R3HDML: variants seen among roughly 807,000 people sequenced by gnomAD.
The protein encoded by R3HDML is R3H domain containing like, also known as peptidase inhibitor R3HDML.
Under a neutral mutation model 24.2 loss-of-function variants are expected in R3HDML, and 21 were observed. The observed-to-expected ratio is 0.87, with a 90% CI of 0.62 to 1.25. The LOEUF is 1.25. Among genes scored for constraint, R3HDML ranks in the 50% most tolerant of loss-of-function variants. R3HDML has a pLI of 0.00. For synonymous variants in R3HDML, 133 were observed against 131.5 expected, an observed-to-expected ratio of 1.01 and a Z score of -0.08; for missense variants, 301 against 340.3, an observed-to-expected ratio of 0.88 and a Z score of 0.91.
chr20:44,344,209 A>G (rs2062779889), intron 3 of R3HDML, among the ~76,000 whole-genome samples: 1 of 151,796 alleles, frequency 6.6e-6, no homozygotes, highest in African/African-American at 2.4e-5. Context: ...TGAACCCAGG[A>G]GGCAGATGTT....
Position 44,350,889 on chromosome 20 carries a change from T to A in R3HDML, c.*97T>A. On this transcript the variant is annotated 3_prime_UTR_variant, in exon 5 of 5. Coordinates refer to ENST00000217043, the MANE Select transcript of R3HDML (RefSeq NM_178491.4). ...GAGAAATAATTGTTTCTTTAAAGGATATGAGTTAGAATCACCCCCTGTTGA... is the reference window on the plus strand; with the variant it reads ...GAGAAATAATTGTTTCTTTAAAGGAAATGAGTTAGAATCACCCCCTGTTGA... 6.9e-7 allele frequency: 1 copy of A among 1,451,422 alleles called. No homozygotes were observed. 89.9% of individuals were successfully genotyped at this position (1,451,422 alleles called of 1,614,324 possible).
chr20:44,340,278 A>AG (rs2062768781), intron 1 of R3HDML, among the ~76,000 whole-genome samples: 1 of 151,560 alleles, frequency 6.6e-6, no homozygotes, highest in Non-Finnish European at 1.5e-5. Flanking sequence ...TTTAGTAGAG[A>AG]GGGGGTTTCT....
intron 4 of R3HDML, among the ~76,000 whole-genome samples, chr20:44,348,509 C>CCTTTCCTTTCCTTTT (rs2062797173): frequency 7.1e-6 from 1 of 140,190 alleles, no homozygotes; most frequent in Admixed American, 7.5e-5. Context: ...CCTTTCCTTT[C>CCTTTCCTTTCCTTTT]CTTTCCTTTC....
At chr20:44,343,810 C>A (rs969672865) in intron 3 of R3HDML, among the ~76,000 whole-genome samples, 8 of 151,484 alleles carry the variant, frequency 5.3e-5, no homozygotes, top group Non-Finnish European at 1.2e-4. Flanking sequence ...AAACTCTGTC[C>A]CCCCCGCAAA....
Position 44,337,528 on chromosome 20 carries a change from G to A in R3HDML, c.261+110G>A, listed in dbSNP as rs2062761243. On this transcript the variant is annotated intron_variant, in intron 1 of 4. Coordinates refer to ENST00000217043, the MANE Select transcript of R3HDML (RefSeq NM_178491.4). This position sits in a 1 kb window ranked among gnomAD's most constrained non-coding sequence, Gnocchi z 4.7. ...CTTTGAAGAGCTGGACCACTTGCCT[G>A]CCTGGCCCCACTAGCCAGTATCTGG... The A allele has an allele frequency of 1.6e-5, 20 of 1,230,508 alleles. No individual in the cohort carries two copies. The highest frequency in any genetic ancestry group is 2.3e-5 in the Non-Finnish European group (20 of 875,962). 76.2% of individuals were successfully genotyped at this position (1,230,508 alleles called of 1,614,324 possible).
At chr20:44,349,600 C>T (rs769383556) in intron 4 of R3HDML, among the ~76,000 whole-genome samples, 5 of 152,172 alleles carry the variant, frequency 3.3e-5, no homozygotes, top group Non-Finnish European at 7.3e-5. Context: ...CACTCATGGT[C>T]ACTCAACAAT....
At position 44,351,072 on chromosome 20, in the gene R3HDML, G is replaced by A; in HGVS notation, c.*280G>A. ...ATTCGGTTCTCAGAGAACCAAGGCT[G>A]GAAGGCATAGAACTGGCACCTTGGG... On this transcript the variant is annotated 3_prime_UTR_variant, in exon 5 of 5. Transcript: ENST00000217043. 1 of 354,440 alleles carries A rather than the reference G, an allele frequency of 2.8e-6. No individual in the cohort carries two copies. The highest frequency in any genetic ancestry group is 5.1e-6 in the Non-Finnish European group (1 of 195,474). The allele number at this position is 354,440 out of a possible 1,614,324, so 22.0% of individuals were successfully genotyped here.
intron 1 of R3HDML, among the ~76,000 whole-genome samples, chr20:44,338,438 G>T (rs748954545): frequency 2.6e-5 from 4 of 152,198 alleles, no homozygotes; most frequent in Non-Finnish European, 5.9e-5. Flanking sequence ...AAGATAACGT[G>T]AGGAGGCAAT....
intron 3 of R3HDML, 40 bp downstream of exon 3, chr20:44,343,549 A>T: frequency 6.5e-7 from 1 of 1,534,208 alleles, no homozygotes; most frequent in Non-Finnish European, 8.8e-7. Flanking sequence ...GGGATAACAC[A>T]TCCTGGCGCC....
Position 44,341,301 on chromosome 20 carries a change from A to G in R3HDML, c.367A>G (p.Ile123Val). ...LMRYVGQNLS[I>V]HSGQYRSVVD... ...GAGATACGTGGGCCAGAACCTCTCC[A>G]TCCATTCTGGCCAGTGAGTGACCCT... The change falls in exon 2 of 5, where the codon ATC (isoleucine) becomes GTC (valine). Residue 123 changes from isoleucine (I) to valine (V), a missense_variant. Ile to Val is a conservative substitution (Grantham distance 29). Coordinates refer to ENST00000217043, the MANE Select transcript of R3HDML (RefSeq NM_178491.4). The G allele has an allele frequency of 1.9e-6, 3 of 1,613,328 alleles. No individual in the cohort carries two copies. The highest frequency in any genetic ancestry group is 2.5e-6 in the Non-Finnish European group (3 of 1,179,368).
chr20:44,350,203 T>G (rs1465500933), intron 4 of R3HDML, among the ~76,000 whole-genome samples: 1 of 151,966 alleles, frequency 6.6e-6, no homozygotes, highest in African/African-American at 2.4e-5. Flanking sequence ...GCTCTTCTCT[T>G]GGTTTTACAG....
At chr20:44,350,062 T>A (rs889024851) in intron 4 of R3HDML, among the ~76,000 whole-genome samples, 4 of 151,662 alleles carry the variant, frequency 2.6e-5, no homozygotes, top group African/African-American at 9.7e-5. Context: ...AGAGCGAGAC[T>A]CCCTCTCAGA....
chr20:44,346,055 G>A (rs1261287592), intron 4 of R3HDML, among the ~76,000 whole-genome samples: 2 of 152,136 alleles, frequency 1.3e-5, no homozygotes, highest in Non-Finnish European at 2.9e-5. Context: ...CCTAACCTCA[G>A]GTGATCTGCC....
intron 2 of R3HDML, among the ~76,000 whole-genome samples, chr20:44,341,839 T>G (rs769593451): frequency 2.0e-5 from 3 of 152,084 alleles, no homozygotes; most frequent in African/African-American, 4.8e-5. Flanking sequence ...GAGCTGAGGT[T>G]GCGCCACTGC....
chr20:44,350,160 T>G (rs1455004536), intron 4 of R3HDML, among the ~76,000 whole-genome samples: 1 of 152,146 alleles, frequency 6.6e-6, no homozygotes, highest in East Asian at 1.9e-4. Context: ...TACATACATG[T>G]GATCTTTGCT....
rs566829540 is a variant in R3HDML, at chr20:44,343,979, C to T, written c.513+470C>T. On this transcript the variant is annotated intron_variant, in intron 3 of 4. Coordinates refer to ENST00000217043, the MANE Select transcript of R3HDML (RefSeq NM_178491.4). The stretch of plus-strand genomic sequence containing the variant: ...AGAGAAAGACCTCATTTCTAAAAAC[C>T]TTTCTAAAAATAGTGAGGTGTGGCC... Among the ~76,000 whole-genome samples, 169 of 152,070 alleles carry T rather than the reference C, an allele frequency of 1.1e-3. 1 individual carries two copies. Among genetic ancestry groups the T allele is most frequent in the Middle Eastern group, 3.4e-3 (1 of 294 alleles).
intron 3 of R3HDML, chr20:44,344,714 C>T (rs2062781413): frequency 6.6e-6 from 1 of 151,630 alleles, no homozygotes. Flanking sequence ...ACCTGGGAGG[C>T]AGAGGTTGCA....
intron 1 of R3HDML, among the ~76,000 whole-genome samples, chr20:44,339,003 G>A (rs113822523): frequency 7.4e-4 from 112 of 150,968 alleles, no homozygotes; most frequent in Non-Finnish European, 1.3e-3. Context: ...AACCTGGGAG[G>A]CCGAGGTTGC....
At position 44,337,341 on chromosome 20, in the gene R3HDML, G is replaced by T. The variant is rs1295673524; in HGVS notation, c.184G>T (p.Asp62Tyr). The change falls in exon 1 of 5, where the codon GAC (aspartate) becomes TAC (tyrosine). Residue 62 changes from aspartate (D) to tyrosine (Y), a missense_variant. Transcript: ENST00000217043. The surrounding 1 kb of genome is among the most constrained non-coding windows in gnomAD (Gnocchi z 4.7). Reference protein sequence around the residue: ...YRRKRHISVRDMNALLDYHNH... With the variant: ...YRRKRHISVRYMNALLDYHNH... ...CCGGAAGCGCCACATCTCTGTGAGA[G>T]ACATGAATGCCTTACTGGATTATCA... is the stretch of plus-strand genomic sequence containing the variant. The T allele has an allele frequency of 1.9e-6, 3 of 1,614,116 alleles. No individual in the cohort carries two copies. Among genetic ancestry groups the T allele is most frequent in the Non-Finnish European group, 2.5e-6 (3 of 1,180,046 alleles).
Sources: gnomAD v4.1 joint callset for allele counts (sites outside exome capture counted in the v4.1 genomes callset) on GRCh38, gnomAD v4.1.1 for gene constraint, Gnocchi (gnomAD v3.1) non-coding constraint, MANE v1.5 for transcripts, NCBI Gene and HGNC (gene_info 2026-07-23, HGNC 2026-07-21) for gene names.